ELF1: variants seen among roughly 807,000 people sequenced by gnomAD.
ELF1 encodes the protein ETS-related transcription factor Elf-1.
In ELF1, 24 loss-of-function variants were observed where a neutral mutation model predicts 59.9. The ratio of observed to expected loss-of-function variants is 0.40; its 90% CI spans 0.29 to 0.56. The LOEUF is 0.56. Among genes scored for constraint, ELF1 ranks in the 20% least tolerant of loss-of-function variants. ELF1 has a pLI of 0.44. For missense variants in ELF1, 627 were observed against 742.2 expected (o/e 0.84, Z 1.80); for synonymous variants, 248 against 266.2 (o/e 0.93, Z 0.67).
intron 3 of ELF1, among the ~76,000 whole-genome samples, 163 bp downstream of exon 3, chr13:40,958,673 G>A (rs1337388041): frequency 6.6e-6 from 1 of 152,204 alleles, no homozygotes; most frequent in Non-Finnish European, 1.5e-5. Context: ...TCCAGCAGAT[G>A]AAACAGAAAA....
chr13:41,059,366 G>A (rs1877408419), intron 1 of ELF1, among the ~76,000 whole-genome samples: 1 of 152,232 alleles, frequency 6.6e-6, no homozygotes, highest in South Asian at 2.1e-4. Context: ...GCATGTGGTG[G>A]TGCTTGGTGT....
Position 40,982,219 on chromosome 13 carries a change from C to T in ELF1, c.-165G>A. The T allele has an allele frequency of 7.7e-7, 1 of 1,298,926 alleles. No homozygotes were observed. Among genetic ancestry groups the T allele is most frequent in the Non-Finnish European group, 9.8e-7 (1 of 1,022,356 alleles). 80.5% of individuals were successfully genotyped at this position (1,298,926 alleles called of 1,614,324 possible). A position where few individuals can be genotyped will look rare whatever the true frequency, so the allele number is the denominator to read the frequency against. ...GGAAGGTGCTTCAGTTTTCCTGGTT[C>T]ATTGATATTCTAGTCAAATTGAGAC... On this transcript the variant is annotated 5_prime_UTR_variant, in exon 2 of 9. It removes an upstream start codon present in the reference 5' UTR. Transcript: ENST00000239882.
chr13:40,944,766 C>A (rs1458278441), intron 5 of ELF1, among the ~76,000 whole-genome samples: 3 of 152,142 alleles, frequency 2.0e-5, no homozygotes, highest in African/African-American at 7.2e-5. Flanking sequence ...GAGTTACTAC[C>A]TCCTACCCAA....
intron 7 of ELF1, among the ~76,000 whole-genome samples, chr13:40,942,423 TTGTTCAAAATTCTCA>T (rs1457103127): frequency 6.6e-6 from 1 of 152,250 alleles, no homozygotes; most frequent in Non-Finnish European, 1.5e-5. Context: ...AATGTTACTC[TTGTTCAAAATTCTCA>T]TGATTTCTAG....
Position 40,949,835 on chromosome 13 carries a change from G to A in ELF1, c.500C>T (p.Ser167Leu), listed in dbSNP as rs748703479. Residue 167 changes from serine (S) to leucine (L), a missense_variant, in exon 5 of 9, where the codon TCA (serine) becomes TTA (leucine). By Grantham distance (145) the Ser-to-Leu change is moderately radical. Coordinates refer to ENST00000239882, the MANE Select transcript of ELF1 (RefSeq NM_172373.4). ...TTTCCTCTTAGGCTGTTCTGGTGAT[G>A]AGGCTCCCGGTGAGTCTGCATATTT... ...QEKYADSPGA[S>L]SPEQPKRKKG... The A allele has an allele frequency of 1.2e-6, 2 of 1,614,088 alleles. No individual in the cohort carries two copies. Among genetic ancestry groups the A allele is most frequent in the Admixed American group, 3.3e-5 (2 of 60,014 alleles).
intron 1 of ELF1, among the ~76,000 whole-genome samples, chr13:41,044,080 T>G (rs967794365): frequency 5.3e-5 from 8 of 152,214 alleles, no homozygotes; most frequent in African/African-American, 1.9e-4. Flanking sequence ...AGTTCACTCA[T>G]TATTTGGTTC....
chr13:41,011,192 A>T (rs758424605), intron 1 of ELF1, among the ~76,000 whole-genome samples: 2 of 152,202 alleles, frequency 1.3e-5, no homozygotes, highest in Non-Finnish European at 2.9e-5. Flanking sequence ...TTAATACTAT[A>T]CTAATTATTT....
intron 1 of ELF1, among the ~76,000 whole-genome samples, chr13:40,997,798 C>T (rs1289229113): frequency 6.6e-6 from 1 of 152,156 alleles, no homozygotes; most frequent in Non-Finnish European, 1.5e-5. Flanking sequence ...ATTCTTCCTA[C>T]AATCATCTTT....
chr13:41,030,994 C>A (rs749997221), intron 1 of ELF1, among the ~76,000 whole-genome samples: 8 of 148,950 alleles, frequency 5.4e-5, no homozygotes, highest in Non-Finnish European at 7.5e-5. Flanking sequence ...AACCCCATTT[C>A]TACAAAAAAA....
intron 1 of ELF1, among the ~76,000 whole-genome samples, chr13:41,032,368 C>T (rs932579514): frequency 1.1e-4 from 16 of 151,748 alleles, no homozygotes; most frequent in African/African-American, 3.9e-4. Flanking sequence ...CAGGCATGCA[C>T]CACCATGCCC....
At position 40,933,351 on chromosome 13, in the gene ELF1, T is replaced by C; in HGVS notation, c.*74A>G. 6.6e-7 allele frequency: 1 copy of C among 1,511,182 alleles called. No homozygotes were observed. Among genetic ancestry groups the C allele is most frequent in the Non-Finnish European group, 8.9e-7 (1 of 1,127,594 alleles). 93.6% of individuals were successfully genotyped at this position (1,511,182 alleles called of 1,614,324 possible). ...TTAGAAACCTCCTTAGAATTTATCT[T>C]AGAATCAGTCAGTCTGCATATAATT... On this transcript the variant is annotated 3_prime_UTR_variant, in exon 9 of 9. Coordinates refer to ENST00000239882, the MANE Select transcript of ELF1 (RefSeq NM_172373.4).
intron 1 of ELF1, among the ~76,000 whole-genome samples, chr13:41,010,919 T>C (rs74757048): frequency 0.012 from 1,754 of 152,270 alleles, 72 homozygotes; most frequent in East Asian, 0.078. Context: ...AGTAAAAACC[T>C]GGGTTAAGAT....
At chr13:40,986,634 C>T (rs1017310215) in intron 1 of ELF1, among the ~76,000 whole-genome samples, 1 of 99,234 alleles carries the variant, frequency 1.0e-5, no homozygotes, top group African/African-American at 4.0e-5. Flanking sequence ...AATCCTGCTG[C>T]TTCAAGGCGA....
At chr13:40,935,967 C>CT (rs1869742887) in intron 8 of ELF1, among the ~76,000 whole-genome samples, 1 of 152,100 alleles carries the variant, frequency 6.6e-6, no homozygotes, top group African/African-American at 2.4e-5. Context: ...TAAAAAAGGC[C>CT]TAAGGGCTTC....
At chr13:40,948,682 T>C (rs981707431) in intron 5 of ELF1, among the ~76,000 whole-genome samples, 11 of 152,350 alleles carry the variant, frequency 7.2e-5, no homozygotes, top group African/African-American at 2.6e-4. Flanking sequence ...TGTCAGACTT[T>C]AGAATGCAAG....
At chr13:41,037,977 G>GTCTCCCCACTATATTTTT (rs1468022710) in intron 1 of ELF1, among the ~76,000 whole-genome samples, 2 of 150,392 alleles carry the variant, frequency 1.3e-5, no homozygotes, top group Non-Finnish European at 2.9e-5. Context: ...TCTTGCTACT[G>GTCTCCCCACTATATTTTT]TCTCCCCACT....
chr13:40,975,103 T>G (rs1171196016), intron 2 of ELF1, among the ~76,000 whole-genome samples: 1 of 152,206 alleles, frequency 6.6e-6, no homozygotes, highest in African/African-American at 2.4e-5. Context: ...AACCTGGAAT[T>G]TTAAGGTAAA....
chr13:41,005,415 A>ATGTG (rs760899813), intron 1 of ELF1, among the ~76,000 whole-genome samples: 64 of 131,058 alleles, frequency 4.9e-4, no homozygotes, highest in Non-Finnish European at 8.8e-4. Flanking sequence ...CCACCTTGAT[A>ATGTG]TGTGACCCTC....
At chr13:40,948,886 G>A (rs1364767443) in intron 5 of ELF1, among the ~76,000 whole-genome samples, 1 of 152,150 alleles carries the variant, frequency 6.6e-6, no homozygotes, top group Non-Finnish European at 1.5e-5. Context: ...CTTACCCAAG[G>A]ACAAAAGGGT....
Sources: allele counts gnomAD v4.1 joint callset (sites outside exome capture counted in the v4.1 genomes callset), GRCh38; gene constraint gnomAD v4.1.1; transcripts MANE v1.5; gene names NCBI Gene and HGNC (gene_info 2026-07-23, HGNC 2026-07-21).